The following PDE3A variants were observed in gnomAD, a reference collection of about 807,000 sequenced individuals.
PDE3A encodes the protein cGMP-inhibited 3',5'-cyclic phosphodiesterase 3A.
PDE3A carries 43 observed loss-of-function variants against 98.3 expected under a neutral mutation model. The observed-to-expected ratio is 0.44, with a 90% CI of 0.34 to 0.56. The LOEUF is 0.56. Ranked by LOEUF, PDE3A falls within the 20% of genes least tolerant of loss-of-function variation. PDE3A has a pLI of 0.01. For missense variants in PDE3A, 1,427 were observed against 1,440.7 expected (o/e 0.99, Z 0.15); for synonymous variants, 663 against 567.9 (o/e 1.17, Z -2.38).
At chr12:20,649,078 A>G (rs1487934765) in intron 13 of PDE3A, among the ~76,000 whole-genome samples, 187 bp downstream of exon 13, 3 of 148,620 alleles carry the variant, frequency 2.0e-5, no homozygotes, top group African/African-American at 4.9e-5. Context: ...GGCTCATGCC[A>G]CCACGCCTGC....
In PDE3A at chr12:20,685,264, G is replaced by T. The variant is rs548700840; in HGVS notation, c.*4993G>T. On this transcript the variant is annotated 3_prime_UTR_variant, in exon 16 of 16. Coordinates refer to ENST00000359062, the MANE Select transcript of PDE3A (RefSeq NM_000921.5). Reference sequence around the variant, plus strand: ...CCCGTCTTTACTAAAAATACAAAATGATTCAGGTGTGGTGGCGCATGTCTG... The same window carrying T: ...CCCGTCTTTACTAAAAATACAAAATTATTCAGGTGTGGTGGCGCATGTCTG... 1.9e-3 allele frequency among the ~76,000 whole-genome samples: 286 copies of T among 151,834 alleles called. No homozygotes were observed. The highest frequency in any genetic ancestry group is 3.6e-3 in the Non-Finnish European group (244 of 67,872).
chr12:20,591,330 T>C (rs1943334917), intron 2 of PDE3A, among the ~76,000 whole-genome samples: 1 of 152,234 alleles, frequency 6.6e-6, no homozygotes, highest in Admixed American at 6.5e-5. Flanking sequence ...TTGAATGACA[T>C]GAAATGACAA....
intron 2 of PDE3A, among the ~76,000 whole-genome samples, chr12:20,605,311 T>C (rs1859962576): frequency 2.0e-5 from 3 of 152,144 alleles, no homozygotes; most frequent in Admixed American, 2.0e-4. Flanking sequence ...CAGTGTACAC[T>C]AGGCAATTTA....
In PDE3A at chr12:20,552,536, G is replaced by A. The variant is rs1445628288; in HGVS notation, c.961-4124G>A. On this transcript the variant is annotated intron_variant, in intron 1 of 15. Transcript: ENST00000359062. The surrounding 1 kb of genome is among the most constrained non-coding windows in gnomAD (Gnocchi z 5.1). ...GAGGAGGAGGAGCAGCAGGAGGGGG[G>A]CTTCGCGTCCCCCAGGACGGGCAAG... The A allele has an allele frequency of 6.8e-6, 11 of 1,613,184 alleles. No homozygotes were observed. The highest frequency in any genetic ancestry group is 9.3e-6 in the Non-Finnish European group (11 of 1,179,650).
In PDE3A at chr12:20,371,121, G is replaced by A. The variant is rs550162272; in HGVS notation, c.960+877G>A. ...ATGTATATCTTCCCACAACGTGGGA[G>A]GAGGAGGAACCTGGGATTATAAAGT... On this transcript the variant is annotated intron_variant, in intron 1 of 15. Transcript: ENST00000359062. Among the ~76,000 whole-genome samples the A allele has an allele frequency of 2.2e-4, 34 of 152,354 alleles. No homozygotes were observed. In the East Asian group the frequency reaches 6.6e-3, roughly 29 times the overall value.
intron 1 of PDE3A, among the ~76,000 whole-genome samples, chr12:20,519,918 TC>T (rs1946392050): frequency 6.6e-6 from 1 of 152,132 alleles, no homozygotes; most frequent in African/African-American, 2.4e-5. Context: ...CTAAGGGACA[TC>T]ATCTCACATC....
At chr12:20,424,097 G>A (rs1012567047) in intron 1 of PDE3A, among the ~76,000 whole-genome samples, 2 of 147,702 alleles carry the variant, frequency 1.4e-5, no homozygotes, top group Non-Finnish European at 3.1e-5. Flanking sequence ...ATAACCGTAA[G>A]TGCAGTATTA....
intron 1 of PDE3A, among the ~76,000 whole-genome samples, chr12:20,523,065 T>G (rs1946458061): frequency 2.0e-5 from 3 of 150,450 alleles, no homozygotes; most frequent in Non-Finnish European, 3.0e-5. Flanking sequence ...ACCTGGGCGG[T>G]GGGGTGGGTG....
intron 1 of PDE3A, among the ~76,000 whole-genome samples, chr12:20,400,982 T>C (rs1475873057): frequency 2.0e-5 from 3 of 152,208 alleles, no homozygotes; most frequent in African/African-American, 7.2e-5. Context: ...AAAGTCTCAC[T>C]GTTTATCAGA....
chr12:20,603,864 A>C (rs1943651427), intron 2 of PDE3A, among the ~76,000 whole-genome samples: 1 of 152,154 alleles, frequency 6.6e-6, no homozygotes, highest in Non-Finnish European at 1.5e-5. Context: ...TTTAGAGAGG[A>C]GACAAGAGCT....
chr12:20,411,139 A>G (rs1037561763), intron 1 of PDE3A, among the ~76,000 whole-genome samples: 1 of 152,198 alleles, frequency 6.6e-6, no homozygotes, highest in African/African-American at 2.4e-5. Context: ...ATCATGGTAT[A>G]ATACACATAA....
chr12:20,676,922 GT>G (rs2120470981), intron 15 of PDE3A, among the ~76,000 whole-genome samples: 1 of 152,228 alleles, frequency 6.6e-6, no homozygotes, highest in African/African-American at 2.4e-5. Context: ...GACTTGGGAA[GT>G]TTTCACCTAT....
At chr12:20,474,703 G>A (rs566542209) in intron 1 of PDE3A, among the ~76,000 whole-genome samples, 2 of 152,256 alleles carry the variant, frequency 1.3e-5, no homozygotes, top group Non-Finnish European at 1.5e-5. Flanking sequence ...CAGCAGTTTA[G>A]CATCTTGTTT....
intron 15 of PDE3A, among the ~76,000 whole-genome samples, chr12:20,655,550 TA>T (rs1945022827): frequency 6.6e-6 from 1 of 152,276 alleles, no homozygotes; most frequent in Admixed American, 6.5e-5. Context: ...TGCTTATCAC[TA>T]GAGACAGAAA....
intron 1 of PDE3A, among the ~76,000 whole-genome samples, chr12:20,487,147 T>G (rs1945741004): frequency 2.6e-5 from 1 of 38,584 alleles, no homozygotes; most frequent in African/African-American, 4.4e-5. Context: ...TAAATTTGAC[T>G]GGCGTAGTGT....
At chr12:20,577,646 C>T (rs1942967692) in intron 2 of PDE3A, among the ~76,000 whole-genome samples, 1 of 152,122 alleles carries the variant, frequency 6.6e-6, no homozygotes, top group African/African-American at 2.4e-5. Flanking sequence ...TTATGTTGAA[C>T]TAGTCAAATA....
chr12:20,525,683 ATGTCTT>A (rs1335028869), intron 1 of PDE3A, among the ~76,000 whole-genome samples: 1 of 152,194 alleles, frequency 6.6e-6, no homozygotes, highest in Non-Finnish European at 1.5e-5. Flanking sequence ...TGCTGACTGA[ATGTCTT>A]TGAAGACAGT....
chr12:20,528,270 T>C (rs1485541453), intron 1 of PDE3A, among the ~76,000 whole-genome samples: 4 of 152,224 alleles, frequency 2.6e-5, no homozygotes, highest in African/African-American at 7.2e-5. Flanking sequence ...GCTTTCATCT[T>C]ACTCCCTTTC....
chr12:20,579,562 A>T (rs1372413359), intron 2 of PDE3A, among the ~76,000 whole-genome samples: 1 of 152,076 alleles, frequency 6.6e-6, no homozygotes, highest in East Asian at 1.9e-4. Context: ...CTACCTTCGA[A>T]ATATTGCAGA....
Sources: allele counts gnomAD v4.1 joint callset (sites outside exome capture counted in the v4.1 genomes callset), GRCh38; gene constraint gnomAD v4.1.1; non-coding constraint Gnocchi (gnomAD v3.1); transcripts MANE v1.5; gene names NCBI Gene and HGNC (gene_info 2026-07-23, HGNC 2026-07-21).